DTD1: variants seen among roughly 807,000 people sequenced by gnomAD.
DTD1 encodes the protein D-tyrosyl-tRNA deacylase 1 homolog.
Under a neutral mutation model 25.6 loss-of-function variants are expected in DTD1, and 13 were observed. The observed-to-expected ratio is 0.51, with a 90% CI of 0.33 to 0.81. The LOEUF is 0.81. Ranked by LOEUF, DTD1 falls within the 30% of genes least tolerant of loss-of-function variation. The pLI is 0.02. For missense variants in DTD1, 193 were observed against 266.4 expected, an observed-to-expected ratio of 0.72 and a Z score of 1.92; for synonymous variants, 110 against 103.6, an observed-to-expected ratio of 1.06 and a Z score of -0.37.
intron 4 of DTD1, among the ~76,000 whole-genome samples, chr20:18,666,407 T>C (rs557400630): frequency 2.6e-5 from 4 of 152,318 alleles, no homozygotes; most frequent in Admixed American, 2.6e-4. Context: ...GCACAGTCCT[T>C]TCTTAAAGGG....
intron 3 of DTD1, among the ~76,000 whole-genome samples, chr20:18,624,590 A>G (rs536941049): frequency 6.6e-6 from 1 of 152,154 alleles, no homozygotes; most frequent in Non-Finnish European, 1.5e-5. Flanking sequence ...TGTGTCATAC[A>G]GGTGTCCTTG....
intron 4 of DTD1, among the ~76,000 whole-genome samples, chr20:18,633,472 C>T (rs1368750991): frequency 6.6e-6 from 1 of 152,308 alleles, no homozygotes; most frequent in South Asian, 2.1e-4. Context: ...GTCCACACCA[C>T]TCATAAAACT....
At chr20:18,626,513 A>G (rs1311767146) in intron 3 of DTD1, among the ~76,000 whole-genome samples, 1 of 152,216 alleles carries the variant, frequency 6.6e-6, no homozygotes, top group Non-Finnish European at 1.5e-5. Flanking sequence ...CTGGGACTTA[A>G]TATTTAAGAA....
At chr20:18,757,613 G>A (rs1311817884) in intron 5 of DTD1, among the ~76,000 whole-genome samples, 1 of 152,178 alleles carries the variant, frequency 6.6e-6, no homozygotes, top group Non-Finnish European at 1.5e-5. Flanking sequence ...TGCGTCCCAG[G>A]GATGAAGCCC....
intron 4 of DTD1, among the ~76,000 whole-genome samples, chr20:18,634,518 G>C (rs1318661610): frequency 6.6e-6 from 1 of 152,134 alleles, no homozygotes; most frequent in African/African-American, 2.4e-5. Context: ...CAAATCACTG[G>C]GATGAGTTGG....
intron 3 of DTD1, among the ~76,000 whole-genome samples, chr20:18,618,672 T>TACAC (rs751474809): frequency 0.076 from 9,885 of 130,366 alleles, 539 homozygotes; most frequent in African/African-American, 0.15. Context: ...CATAATTTTA[T>TACAC]ACACACACAC....
chr20:18,712,974 C>A (rs1028136646), intron 4 of DTD1, among the ~76,000 whole-genome samples: 2 of 152,192 alleles, frequency 1.3e-5, no homozygotes, highest in African/African-American at 4.8e-5. Context: ...AATGGGATTA[C>A]CATTTTAACC....
intron 2 of DTD1, among the ~76,000 whole-genome samples, chr20:18,595,311 G>C (rs1167879282): frequency 6.6e-6 from 1 of 151,944 alleles, no homozygotes; most frequent in Non-Finnish European, 1.5e-5. Context: ...CTGTCACCCA[G>C]GCTGGAGTGC....
chr20:18,749,377 G>C lies in DTD1; in HGVS notation c.*19+5106G>C, dbSNP rs1269681688. 2.6e-5 allele frequency among the ~76,000 whole-genome samples: 4 copies of C among 152,160 alleles called. No individual in the cohort carries two copies. The highest frequency in any genetic ancestry group is 9.7e-5 in the African/African-American group (4 of 41,444). ...AGAGGGTGTTCTCTGCCTGGTGGAGGGTGTGGAGGAAAGCTGTGTTGGGTC... is the reference window on the plus strand; with the variant it reads ...AGAGGGTGTTCTCTGCCTGGTGGAGCGTGTGGAGGAAAGCTGTGTTGGGTC... On this transcript the variant is annotated intron_variant, in intron 5 of 5. Coordinates refer to ENST00000377452, the MANE Select transcript of DTD1 (RefSeq NM_080820.6). The surrounding 1 kb of genome is among the most constrained non-coding windows in gnomAD (Gnocchi z 4.2).
rs760706395 is a variant in DTD1, at chr20:18,593,711, C to G, written c.44-20C>G. ...CTTGTTTGGTTCTGAGTTCTTCTCTCCCTTTTGGTTCCTTTCTAGTTGGAG... is the reference window on the plus strand; with the variant it reads ...CTTGTTTGGTTCTGAGTTCTTCTCTGCCTTTTGGTTCCTTTCTAGTTGGAG... On this transcript the variant is annotated intron_variant, in intron 1 of 5. Transcript: ENST00000377452. 1.3e-5 allele frequency: 21 copies of G among 1,601,226 alleles called. No homozygotes were observed. The East Asian group carries it at 4.0e-4, about 31-fold the overall frequency.
chr20:18,639,864 T>G (rs1304493978), intron 4 of DTD1, among the ~76,000 whole-genome samples: 1 of 152,174 alleles, frequency 6.6e-6, no homozygotes, highest in Non-Finnish European at 1.5e-5. Context: ...AACATGATAC[T>G]CACATAATAT....
At chr20:18,711,396 C>G (rs1261285284) in intron 4 of DTD1, among the ~76,000 whole-genome samples, 2 of 152,186 alleles carry the variant, frequency 1.3e-5, no homozygotes, top group East Asian at 3.8e-4. Context: ...ATACTGTGAC[C>G]TGTGAACTCT....
At chr20:18,653,178 T>TA (rs1346497991) in intron 4 of DTD1, among the ~76,000 whole-genome samples, 1 of 152,122 alleles carries the variant, frequency 6.6e-6, no homozygotes, top group Non-Finnish European at 1.5e-5. Flanking sequence ...GAGGTGGGCA[T>TA]ATTGCTTGAG....
chr20:18,595,919 C>T (rs113714782), intron 2 of DTD1, 87 bp from the exon 3 acceptor site: 34 of 1,152,880 alleles, frequency 2.9e-5, no homozygotes, highest in South Asian at 7.6e-5. Context: ...CTTATTTGAC[C>T]GGAAGCTGGT....
At chr20:18,632,007 A>G (rs528384442) in intron 4 of DTD1, 1 of 844,172 alleles carries the variant, frequency 1.2e-6, no homozygotes, top group Non-Finnish European at 1.4e-6. Flanking sequence ...CATATTGTGC[A>G]CTGGGAGTAG....
At chr20:18,609,278 G>A (rs1468997120) in intron 3 of DTD1, among the ~76,000 whole-genome samples, 5 of 151,928 alleles carry the variant, frequency 3.3e-5, no homozygotes, top group Non-Finnish European at 2.9e-5. Context: ...AAGTTGCTGG[G>A]ACCACAGGCA....
intron 4 of DTD1, among the ~76,000 whole-genome samples, chr20:18,743,537 A>T (rs949968856): frequency 6.6e-6 from 1 of 151,894 alleles, no homozygotes; most frequent in Non-Finnish European, 1.5e-5. Context: ...CTACAGAAAA[A>T]TTGGCATGCA....
chr20:18,612,604 CTT>C (rs533496119), intron 3 of DTD1, among the ~76,000 whole-genome samples: 1 of 152,100 alleles, frequency 6.6e-6, no homozygotes, highest in South Asian at 2.1e-4. Context: ...TCACTGATAT[CTT>C]TGCTTCACTG....
chr20:18,628,986 T>A (rs6045524), intron 4 of DTD1, among the ~76,000 whole-genome samples: 73,981 of 139,390 alleles, frequency 0.53, 19,329 homozygotes, highest in Middle Eastern at 0.59. Context: ...GTTCAAAGCC[T>A]GATTTTTTTT....
Sources: allele counts gnomAD v4.1 joint callset (sites outside exome capture counted in the v4.1 genomes callset), GRCh38; gene constraint gnomAD v4.1.1; non-coding constraint Gnocchi (gnomAD v3.1); transcripts MANE v1.5; gene names NCBI Gene and HGNC (gene_info 2026-07-23, HGNC 2026-07-21).